AGBL4: variants seen among roughly 807,000 people sequenced by gnomAD.
AGBL4 encodes the protein cytosolic carboxypeptidase 6.
AGBL4 carries 58 observed loss-of-function variants against 66.4 expected under a neutral mutation model. That is an observed-to-expected ratio of 0.87 (90% CI 0.71 to 1.09). AGBL4 has a LOEUF of 1.09. Ranked by LOEUF, AGBL4 falls within the 50% of genes least tolerant of loss-of-function variation. The pLI is 0.00. For synonymous variants in AGBL4, 234 were observed against 222.9 expected (o/e 1.05, Z -0.44); for missense variants, 579 against 631.0 (o/e 0.92, Z 0.88).
At chr1:49,201,885 GA>G (rs976773672) in intron 4 of AGBL4, among the ~76,000 whole-genome samples, 5 of 152,006 alleles carry the variant, frequency 3.3e-5, no homozygotes, top group African/African-American at 9.7e-5. Context: ...CAGCCAGAAA[GA>G]GAGCACATGT....
At chr1:49,953,953 G>T (rs1048848730) in intron 1 of AGBL4, among the ~76,000 whole-genome samples, 1 of 151,802 alleles carries the variant, frequency 6.6e-6, no homozygotes, top group Non-Finnish European at 1.5e-5. Flanking sequence ...AGTTGCAGTC[G>T]TGTGATAATA....
chr1:49,053,720 C>T (rs1264830582), intron 4 of AGBL4, among the ~76,000 whole-genome samples: 1 of 152,024 alleles, frequency 6.6e-6, no homozygotes, highest in Non-Finnish European at 1.5e-5. Context: ...TTGTCTGTTA[C>T]CCTTTTATCC....
At chr1:49,846,030 G>A in intron 2 of AGBL4, 1 of 1,593,312 alleles carries the variant, frequency 6.3e-7, no homozygotes, top group Non-Finnish European at 8.6e-7. Flanking sequence ...AGAGCCTTCA[G>A]TCAGCTTGCT....
chr1:48,953,761 T>A (rs909627054), intron 5 of AGBL4, among the ~76,000 whole-genome samples: 1 of 152,124 alleles, frequency 6.6e-6, no homozygotes, highest in African/African-American at 2.4e-5. Context: ...CTATTTAAGA[T>A]TCCCAGAGAG....
chr1:49,152,449 A>G (rs577943480), intron 4 of AGBL4, among the ~76,000 whole-genome samples: 2 of 152,306 alleles, frequency 1.3e-5, no homozygotes, highest in South Asian at 4.1e-4. Context: ...TCGCCCACCA[A>G]GTTAGTAATC....
At chr1:49,832,765 T>TC (rs1355591914) in intron 2 of AGBL4, among the ~76,000 whole-genome samples, 2 of 152,342 alleles carry the variant, frequency 1.3e-5, no homozygotes, top group African/African-American at 4.8e-5. Context: ...GAGCATTTTT[T>TC]CATGTGTTTT....
intron 1 of AGBL4, among the ~76,000 whole-genome samples, chr1:49,938,727 A>T (rs1250368463): frequency 6.6e-6 from 1 of 152,222 alleles, no homozygotes; most frequent in African/African-American, 2.4e-5. Context: ...GCATATAAAC[A>T]GAACCAAAGA....
At chr1:49,624,683 T>C (rs770915024) in intron 3 of AGBL4, among the ~76,000 whole-genome samples, 19 of 152,124 alleles carry the variant, frequency 1.2e-4, no homozygotes, top group Non-Finnish European at 2.4e-4. Context: ...CTTTAAGCTA[T>C]GAAATGACCC....
At chr1:49,236,739 C>A (rs534517296) in intron 4 of AGBL4, among the ~76,000 whole-genome samples, 25 of 152,102 alleles carry the variant, frequency 1.6e-4, no homozygotes, top group Admixed American at 1.4e-3. Context: ...CTGTAACCAC[C>A]ACCACAATCA....
At chr1:49,259,181 A>G (rs1384742708) in intron 3 of AGBL4, among the ~76,000 whole-genome samples, 6 of 152,182 alleles carry the variant, frequency 3.9e-5, no homozygotes, top group Admixed American at 6.5e-5. Flanking sequence ...AGGAGCAACC[A>G]GTACCAGCCA....
chr1:49,378,587 G>A (rs1644522027), intron 3 of AGBL4, among the ~76,000 whole-genome samples: 1 of 152,070 alleles, frequency 6.6e-6, no homozygotes, highest in African/African-American at 2.4e-5. Context: ...AGCATTAGAT[G>A]TGCTAGAGAG....
intron 4 of AGBL4, among the ~76,000 whole-genome samples, chr1:49,230,774 T>C (rs144148435): frequency 2.6e-5 from 4 of 152,330 alleles, no homozygotes; most frequent in African/African-American, 9.6e-5. Flanking sequence ...TACCTCTTCT[T>C]TCAATGACTG....
chr1:49,658,700 C>T (rs1196891930), intron 3 of AGBL4, among the ~76,000 whole-genome samples: 1 of 152,098 alleles, frequency 6.6e-6, no homozygotes, highest in African/African-American at 2.4e-5. Flanking sequence ...GAGTTCATGT[C>T]CTTTGTAGGG....
At chr1:49,672,921 C>CAAAAAAAAA (rs60612868) in intron 3 of AGBL4, among the ~76,000 whole-genome samples, 5 of 47,028 alleles carry the variant, frequency 1.1e-4, no homozygotes, top group East Asian at 6.8e-4. Context: ...AACTCCATCT[C>CAAAAAAAAA]AAAAAAAAAA....
chr1:49,654,340 A>C (rs11205635), intron 3 of AGBL4, among the ~76,000 whole-genome samples: 104,237 of 151,950 alleles, frequency 0.69, 36,525 homozygotes, highest in African/African-American at 0.78. Context: ...TGCTTTATTT[A>C]CAACTATGTG....
At chr1:49,476,131 T>C (rs1240424324) in intron 3 of AGBL4, among the ~76,000 whole-genome samples, 1 of 151,402 alleles carries the variant, frequency 6.6e-6, no homozygotes, top group Non-Finnish European at 1.5e-5. Context: ...TCTTCATTTA[T>C]TTCAAAGAAT....
intron 1 of AGBL4, among the ~76,000 whole-genome samples, chr1:49,859,988 C>T (rs1173393959): frequency 1.3e-5 from 2 of 152,230 alleles, no homozygotes; most frequent in East Asian, 3.9e-4. Context: ...ATATTTGTAA[C>T]ACCAATAAAA....
chr1:49,934,824 C>CAAAA (rs1196613164), intron 1 of AGBL4, among the ~76,000 whole-genome samples: 8 of 114,230 alleles, frequency 7.0e-5, no homozygotes, highest in Non-Finnish European at 1.4e-4. Context: ...ATCAGAGATA[C>CAAAA]AAAAAAAAAA....
At position 49,697,375 on chromosome 1, in the gene AGBL4, T is replaced by G. The variant is rs1335956437; in HGVS notation, c.220A>C (p.Thr74Pro). 1.3e-6 allele frequency: 2 copies of G among 1,548,660 alleles called. No individual in the cohort carries two copies. Among genetic ancestry groups the G allele is most frequent in the Non-Finnish European group, 1.7e-6 (2 of 1,144,706 alleles). The change falls in exon 3 of 14, where the codon ACC becomes CCC. Residue 74 changes from threonine (T) to proline (P), a missense_variant. Physicochemically the swap from Thr to Pro is conservative, Grantham distance 38. Coordinates refer to ENST00000371839, the MANE Select transcript of AGBL4 (RefSeq NM_032785.4). ...CAGACTCGGAAGCGTGGATTACAGGTGTCCGGCCTAATGAACAGATCATAC... is the reference window on the plus strand; with the variant it reads ...CAGACTCGGAAGCGTGGATTACAGGGGTCCGGCCTAATGAACAGATCATAC... The part of the protein sequence containing the change: ...FEYDLFIRPD[T>P]CNPRFRVWFN...
Sources: allele counts gnomAD v4.1 joint callset (sites outside exome capture counted in the v4.1 genomes callset), GRCh38; gene constraint gnomAD v4.1.1; transcripts MANE v1.5; gene names NCBI Gene and HGNC (gene_info 2026-07-23, HGNC 2026-07-21).